Variants in MAGI1 observed in about 807,000 individuals in gnomAD.
MAGI1 encodes membrane associated guanylate kinase, WW and PDZ domain containing 1.
Under a neutral mutation model 139.9 loss-of-function variants are expected in MAGI1, and 58 were observed. That is an observed-to-expected ratio of 0.41 (90% CI 0.34 to 0.52). The LOEUF (loss-of-function observed/expected upper bound fraction) is 0.52, where lower values mean the gene tolerates loss of function less well. Ranked by LOEUF, MAGI1 falls within the 20% of genes least tolerant of loss-of-function variation. The pLI, the probability that MAGI1 is intolerant of heterozygous loss-of-function variation, is 0.12. For missense variants in MAGI1, 1,874 were observed against 1,901.6 expected, an observed-to-expected ratio of 0.99 and a Z score of 0.27; for synonymous variants, 812 against 737.9, an observed-to-expected ratio of 1.10 and a Z score of -1.63.
intron 4 of MAGI1, among the ~76,000 whole-genome samples, chr3:65,478,273 A>G (rs797022282): frequency 3.3e-5 from 5 of 152,264 alleles, no homozygotes; most frequent in African/African-American, 1.2e-4. Context: ...AAAATCAATG[A>G]ACAAAATACA....
At chr3:65,357,875 T>C (rs1397989233) in intron 22 of MAGI1, among the ~76,000 whole-genome samples, 3 of 152,194 alleles carry the variant, frequency 2.0e-5, no homozygotes, top group Non-Finnish European at 4.4e-5. Flanking sequence ...CTGTCCTATC[T>C]GTATTATTCA....
chr3:65,597,514 C>G lies in MAGI1; in HGVS notation c.430+24458G>C, dbSNP rs955595661. On this transcript the variant is annotated intron_variant, in intron 2 of 22. Transcript: ENST00000402939. Reference sequence around the variant, plus strand: ...CTGATTTTTTTTTCTCCCCCCTCCCCCTTCCTCCCAGCCTGGCCAAACGGG... The same window carrying G: ...CTGATTTTTTTTTCTCCCCCCTCCCGCTTCCTCCCAGCCTGGCCAAACGGG... Among the ~76,000 whole-genome samples the G allele has an allele frequency of 8.5e-5, 13 of 152,092 alleles. No homozygotes were observed. In the East Asian group the frequency reaches 9.7e-4, roughly 11 times the overall value.
chr3:66,022,157 T>C (rs1249667529), intron 1 of MAGI1, among the ~76,000 whole-genome samples: 1 of 152,216 alleles, frequency 6.6e-6, no homozygotes, highest in Non-Finnish European at 1.5e-5. Flanking sequence ...CTTATTCCCA[T>C]TAATGGCTTC....
At chr3:65,996,271 C>T (rs1315392008) in intron 1 of MAGI1, among the ~76,000 whole-genome samples, 1 of 152,150 alleles carries the variant, frequency 6.6e-6, no homozygotes, top group Non-Finnish European at 1.5e-5. Context: ...TCAAGGTCTT[C>T]ACCTGCAACA....
intron 1 of MAGI1, among the ~76,000 whole-genome samples, chr3:65,640,657 T>G (rs1043272244): frequency 6.6e-6 from 1 of 152,218 alleles, no homozygotes; most frequent in African/African-American, 2.4e-5. Context: ...AATTCAACAT[T>G]GTTGTATGTT....
At chr3:65,901,206 A>C (rs547867432) in intron 1 of MAGI1, among the ~76,000 whole-genome samples, 1 of 152,228 alleles carries the variant, frequency 6.6e-6, no homozygotes, top group Non-Finnish European at 1.5e-5. Flanking sequence ...TCCAGAGACA[A>C]GGAAAAAATA....
At chr3:65,642,194 G>A (rs749933072) in intron 1 of MAGI1, among the ~76,000 whole-genome samples, 17 of 152,096 alleles carry the variant, frequency 1.1e-4, no homozygotes, top group South Asian at 2.1e-4. Context: ...TAATTATCTC[G>A]TTGATGGATT....
At chr3:65,652,144 G>A (rs192077516) in intron 1 of MAGI1, among the ~76,000 whole-genome samples, 1 of 152,242 alleles carries the variant, frequency 6.6e-6, no homozygotes, top group African/African-American at 2.4e-5. Context: ...CGCCTGTGCA[G>A]TGGAGCCATT....
At chr3:65,465,080 T>C (rs1250166949) in intron 5 of MAGI1, among the ~76,000 whole-genome samples, 1 of 150,296 alleles carries the variant, frequency 6.7e-6, no homozygotes, top group Non-Finnish European at 1.5e-5. Flanking sequence ...TAGATAAACC[T>C]TATCTCCATT....
chr3:65,805,713 T>A (rs1473387539), intron 1 of MAGI1, among the ~76,000 whole-genome samples: 1 of 152,060 alleles, frequency 6.6e-6, no homozygotes, highest in Non-Finnish European at 1.5e-5. Flanking sequence ...ATAGGCTGGA[T>A]AAAGAAAATG....
At chr3:65,584,337 C>CT (rs1314485009) in intron 2 of MAGI1, among the ~76,000 whole-genome samples, 1 of 152,102 alleles carries the variant, frequency 6.6e-6, no homozygotes, top group Non-Finnish European at 1.5e-5. Context: ...AACCCAGATG[C>CT]TATATCTATT....
chr3:65,850,872 C>T (rs1215189066), intron 1 of MAGI1, among the ~76,000 whole-genome samples: 2 of 152,004 alleles, frequency 1.3e-5, no homozygotes, highest in African/African-American at 2.4e-5. Context: ...TTTGGGAGGC[C>T]GAGGCGGGCG....
chr3:65,834,319 C>T (rs969315682), intron 1 of MAGI1, among the ~76,000 whole-genome samples: 7 of 152,148 alleles, frequency 4.6e-5, no homozygotes, highest in African/African-American at 1.7e-4. Flanking sequence ...GAAGAGCATT[C>T]CACACAGAAA....
rs76449660 is a variant in MAGI1 at position 65,903,538 on chromosome 3, C to A, written c.313+134458G>T. Among the ~76,000 whole-genome samples, 63 of 152,302 alleles carry A rather than the reference C, an allele frequency of 4.1e-4. No individual in the cohort carries two copies. The East Asian group carries it at 0.012, about 28-fold the overall frequency. On this transcript the variant is annotated intron_variant, in intron 1 of 22. Coordinates refer to ENST00000402939, the MANE Select transcript of MAGI1 (RefSeq NM_001033057.2). ...CTTATCAAATGTAATGCAACACACACATACGCACATACACGCATGCCTGCA... is the reference window on the plus strand; with the variant it reads ...CTTATCAAATGTAATGCAACACACAAATACGCACATACACGCATGCCTGCA...
intron 8 of MAGI1, among the ~76,000 whole-genome samples, chr3:65,440,461 TTTAATTCAATAAGAAGTAGATTAAGGAA>T (rs1244286758): frequency 2.6e-5 from 4 of 152,164 alleles, no homozygotes; most frequent in Non-Finnish European, 4.4e-5. Context: ...GGGAAGCTGC[TTTAATTCAATAAGAAGTAGATTAAGGAA>T]TTATTGAGAC....
At chr3:65,892,321 G>C (rs1317177829) in intron 1 of MAGI1, among the ~76,000 whole-genome samples, 3 of 152,022 alleles carry the variant, frequency 2.0e-5, no homozygotes, top group Admixed American at 6.6e-5. Flanking sequence ...CATTAACTTA[G>C]TTATGATCGT....
intron 3 of MAGI1, among the ~76,000 whole-genome samples, chr3:65,491,513 G>C (rs2107662440): frequency 6.6e-6 from 1 of 152,134 alleles, no homozygotes; most frequent in South Asian, 2.1e-4. Context: ...AATGCAAATA[G>C]ATGTTTTATA....
At chr3:65,422,974 A>G (rs1946737484) in intron 12 of MAGI1, among the ~76,000 whole-genome samples, 1 of 152,134 alleles carries the variant, frequency 6.6e-6, no homozygotes, top group Admixed American at 6.5e-5. Context: ...TGGAGGGCAG[A>G]CTGGAGGAAG....
chr3:65,705,168 G>C, intron 1 of MAGI1, among the ~76,000 whole-genome samples: 1 of 151,572 alleles, frequency 6.6e-6, no homozygotes, highest in South Asian at 2.1e-4. Flanking sequence ...AGGCCTATTT[G>C]AAGAAAAAAA....
Sources: allele counts gnomAD v4.1 joint callset (sites outside exome capture counted in the v4.1 genomes callset), GRCh38; gene constraint gnomAD v4.1.1; transcripts MANE v1.5; gene names NCBI Gene and HGNC (gene_info 2026-07-23, HGNC 2026-07-21).